The following EIF2S2 variants were observed in gnomAD, a reference collection of about 807,000 sequenced individuals.
The protein encoded by EIF2S2 is eukaryotic translation initiation factor 2 subunit 2.
A neutral mutation model predicts 44.0 loss-of-function variants in EIF2S2; 4 were observed. The observed-to-expected ratio is 0.09, with a 90% CI of 0.04 to 0.21. The LOEUF is 0.21. EIF2S2 is among the 10% of genes least tolerant of loss of function. The probability of loss-of-function intolerance (pLI) is 1.00; values close to 1 mark genes in which losing one functional copy is unlikely to be tolerated. For synonymous variants in EIF2S2, 108 were observed against 128.3 expected, an observed-to-expected ratio of 0.84 and a Z score of 1.07; for missense variants, 154 against 392.0, an observed-to-expected ratio of 0.39 and a Z score of 5.13.
chr20:34,105,235 C>T, intron 2 of EIF2S2, 133 bp downstream of exon 2: 1 of 874,674 alleles, frequency 1.1e-6, no homozygotes, highest in Non-Finnish European at 1.8e-6. Flanking sequence ...CCACTGCATA[C>T]AGACTACTGA....
In EIF2S2 at chr20:34,112,221, T is replaced by C. The variant is rs997549103; in HGVS notation, c.-111A>G. ...CCTCTCCCACCACCGCACTAGGCTC[T>C]TGCATCAGCGAAAGGAAACGACACC... On this transcript the variant is annotated 5_prime_UTR_variant, in exon 1 of 9. Transcript: ENST00000374980. 2 of 1,218,312 alleles carry C rather than the reference T, an allele frequency of 1.6e-6. No homozygotes were observed. Among genetic ancestry groups the C allele is most frequent in the South Asian group, 1.8e-5 (1 of 55,070 alleles). The allele number at this position is 1,218,312 out of a possible 1,614,324, so 75.5% of individuals were successfully genotyped here.
At chr20:34,095,692 A>G (rs769809384) in intron 6 of EIF2S2, among the ~76,000 whole-genome samples, 37 of 152,232 alleles carry the variant, frequency 2.4e-4, no homozygotes, top group South Asian at 1.2e-3. Flanking sequence ...TTTTTCTACA[A>G]TGAGTATATA....
intron 7 of EIF2S2, among the ~76,000 whole-genome samples, chr20:34,093,003 T>C (rs954542543): frequency 5.9e-5 from 9 of 152,318 alleles, no homozygotes; most frequent in African/African-American, 2.2e-4. Flanking sequence ...CATAGAACTA[T>C]TGTGAAGATT....
chr20:34,110,230 T>C (rs907150188), intron 1 of EIF2S2, among the ~76,000 whole-genome samples: 4 of 152,110 alleles, frequency 2.6e-5, no homozygotes, highest in African/African-American at 9.7e-5. Context: ...AGTTTATAAA[T>C]CATTTTCAAG....
At position 34,112,099 on chromosome 20, in the gene EIF2S2, G is replaced by A. The variant is rs2122450507; in HGVS notation, c.12C>T (p.Asp4=). Residue 4 remains aspartate, a synonymous_variant, in exon 1 of 9, where the codon GAC becomes GAT. Coordinates refer to ENST00000374980, the MANE Select transcript of EIF2S2 (RefSeq NM_003908.5). ...TACGCCGGGCTCAGATCCTCACCTCGTCCCCAGACATGGCTGCGGCTCGAG... is the reference window on the plus strand; with the variant it reads ...TACGCCGGGCTCAGATCCTCACCTCATCCCCAGACATGGCTGCGGCTCGAG... The part of the protein sequence containing the change: MSG[D]EMIFDPTMSK... 1 of 1,563,414 alleles carries A rather than the reference G, an allele frequency of 6.4e-7. No homozygotes were observed. Among genetic ancestry groups the A allele is most frequent in the Non-Finnish European group, 8.7e-7 (1 of 1,152,396 alleles).
rs931127085 is a variant in EIF2S2, at chr20:34,088,714, C to CG, written c.*1015_*1016insC. 4 of 152,460 alleles carry CG rather than the reference C, an allele frequency of 2.6e-5. No individual in the cohort carries two copies. The highest frequency in any genetic ancestry group is 9.6e-5 in the African/African-American group (4 of 41,466). 9.4% of individuals were successfully genotyped at this position (152,460 alleles called of 1,614,324 possible). ...CACCGACACAGAAGATGGCCTTCTC[C>CG]CATGTGCCAGCGGAGAATCCCCTTC... On this transcript the variant is annotated 3_prime_UTR_variant, in exon 9 of 9. Coordinates refer to ENST00000374980, the MANE Select transcript of EIF2S2 (RefSeq NM_003908.5).
chr20:34,092,227 T>C, intron 7 of EIF2S2, among the ~76,000 whole-genome samples: 2 of 152,198 alleles, frequency 1.3e-5, no homozygotes, highest in Non-Finnish European at 2.9e-5. Context: ...TTTAACCCAT[T>C]GACCATAAGT....
At chr20:34,110,696 GTCA>G (rs781759591) in intron 1 of EIF2S2, among the ~76,000 whole-genome samples, 27 of 152,258 alleles carry the variant, frequency 1.8e-4, no homozygotes, top group Non-Finnish European at 3.4e-4. Context: ...TACCTTGTGT[GTCA>G]TCTAGTTGAC....
intron 7 of EIF2S2, among the ~76,000 whole-genome samples, chr20:34,091,864 ACT>A (rs1353507576): frequency 6.8e-6 from 1 of 147,680 alleles, no homozygotes; most frequent in African/African-American, 2.5e-5. Context: ...TCCGAGTGGG[ACT>A]CTCCTGGATT....
intron 3 of EIF2S2, among the ~76,000 whole-genome samples, chr20:34,099,815 A>T (rs1288320371): frequency 6.6e-6 from 1 of 152,162 alleles, no homozygotes; most frequent in African/African-American, 2.4e-5. Context: ...TACAACTCAC[A>T]AACAGCCAAA....
intron 1 of EIF2S2, 88 bp from the exon 2 acceptor site, chr20:34,105,633 T>C: frequency 7.8e-7 from 1 of 1,279,508 alleles, no homozygotes; most frequent in Non-Finnish European, 1.1e-6. Context: ...TCAAAAGGCA[T>C]ACTCTTAAAA....
At position 34,096,705 on chromosome 20, in the gene EIF2S2, A is replaced by G. The variant is rs750664108; in HGVS notation, c.635T>C (p.Val212Ala). The change falls in exon 6 of 9, where the codon GTA becomes GCA. Residue 212 changes from valine (V) to alanine (A), a missense_variant. By Grantham distance (64) the Val-to-Ala change is moderately conservative. Transcript: ENST00000374980. Reference sequence around the variant, plus strand: ...GACAAAAGAAGTTTTCTTGGTTCCTACTCGGACGACTTGTGGAGGTTTCAT... The same window carrying G: ...GACAAAAGAAGTTTTCTTGGTTCCTGCTCGGACGACTTGTGGAGGTTTCAT... ...FVMKPPQVVR[V>A]GTKKTSFVNF... 3.1e-6 allele frequency: 5 copies of G among 1,610,228 alleles called. No individual in the cohort carries two copies. Among genetic ancestry groups the G allele is most frequent in the Non-Finnish European group, 4.2e-6 (5 of 1,179,374 alleles).
chr20:34,110,395 T>A (rs1007927768), intron 1 of EIF2S2, among the ~76,000 whole-genome samples: 1 of 152,188 alleles, frequency 6.6e-6, no homozygotes, highest in African/African-American at 2.4e-5. Context: ...CCTGGCAGAA[T>A]GGAAGCCAAA....
rs778279422 is a variant in EIF2S2 at position 34,103,561 on chromosome 20, A to T, written c.198T>A (p.Ala66=). 1 of 1,561,652 alleles carries T rather than the reference A, an allele frequency of 6.4e-7. No individual in the cohort carries two copies. The highest frequency in any genetic ancestry group is 1.2e-5 in the South Asian group (1 of 84,144). The change falls in exon 3 of 9, where the codon GCT becomes GCA. Residue 66 remains alanine (A), a synonymous_variant. Transcript: ENST00000374980. Reference sequence around the variant, plus strand: ...AGTTCAAGTCATCTAGATCATCAGAAGCATCTAAAAAGACCAAGGCATAAT... The same window carrying T: ...AGTTCAAGTCATCTAGATCATCAGATGCATCTAAAAAGACCAAGGCATAAT... ...ADEEDTRKKD[A]SDDLDDLNFF...
chr20:34,089,025 T>G lies in EIF2S2; in HGVS notation c.*705A>C, dbSNP rs181365400. 2 of 152,632 alleles carry G rather than the reference T, an allele frequency of 1.3e-5. No individual in the cohort carries two copies. The highest frequency in any genetic ancestry group is 1.3e-4 in the Admixed American group (2 of 15,300). The allele number at this position is 152,632 out of a possible 1,614,324, so 9.5% of individuals were successfully genotyped here. A position where few individuals can be genotyped will look rare whatever the true frequency, so the allele number is the denominator to read the frequency against. On this transcript the variant is annotated 3_prime_UTR_variant, in exon 9 of 9. Coordinates refer to ENST00000374980, the MANE Select transcript of EIF2S2 (RefSeq NM_003908.5). ...TTTAGTGTGCCAGTTACAAGACACA[T>G]TTACAGGCTATGTTTCTAAGACCTC...
intron 7 of EIF2S2, among the ~76,000 whole-genome samples, chr20:34,091,569 T>C (rs2034163101): frequency 6.6e-6 from 1 of 151,436 alleles, no homozygotes; most frequent in African/African-American, 2.4e-5. Context: ...TACAAAAAAA[T>C]TAGCCAGGCG....
At chr20:34,102,040 T>C (rs1189752770) in intron 3 of EIF2S2, among the ~76,000 whole-genome samples, 3 of 152,010 alleles carry the variant, frequency 2.0e-5, no homozygotes, top group African/African-American at 7.3e-5. Context: ...GGTGGGAGAG[T>C]AGCCCAAGAC....
rs1459106744 is a variant in EIF2S2, at chr20:34,089,142, A to G, written c.*588T>C. 1 of 152,764 alleles carries G rather than the reference A, an allele frequency of 6.5e-6. No individual in the cohort carries two copies. The highest frequency in any genetic ancestry group is 1.5e-5 in the Non-Finnish European group (1 of 68,156). 9.5% of individuals were successfully genotyped at this position (152,764 alleles called of 1,614,324 possible). ...AGGACTTGGCGGTGAGGTAGTAGCA[A>G]CCATCCCCACATACGGAAAAGAATT... On this transcript the variant is annotated 3_prime_UTR_variant, in exon 9 of 9. Coordinates refer to ENST00000374980, the MANE Select transcript of EIF2S2 (RefSeq NM_003908.5).
At chr20:34,096,619 T>C (rs763855500) in intron 6 of EIF2S2, 38 bp downstream of exon 6, 32 of 1,546,694 alleles carry the variant, frequency 2.1e-5, no homozygotes, top group Non-Finnish European at 2.8e-5. Context: ...AATGAGAATC[T>C]GGCATTTGGG....
Sources: allele counts gnomAD v4.1 joint callset (sites outside exome capture counted in the v4.1 genomes callset), GRCh38; gene constraint gnomAD v4.1.1; transcripts MANE v1.5; gene names NCBI Gene and HGNC (gene_info 2026-07-23, HGNC 2026-07-21).